Variants in KIAA1217 observed in about 807,000 individuals in gnomAD.
KIAA1217 encodes the protein KIAA1217, also known as sickle tail protein homolog.
KIAA1217 carries 88 observed loss-of-function variants against 163.9 expected under a neutral mutation model. The observed-to-expected ratio is 0.54, with a 90% CI of 0.45 to 0.64. The LOEUF (loss-of-function observed/expected upper bound fraction) is 0.64. Among genes scored for constraint, KIAA1217 ranks in the 30% least tolerant of loss-of-function variants. The probability of loss-of-function intolerance (pLI) is 0.00; values close to 1 mark genes in which losing one functional copy is unlikely to be tolerated. For missense variants in KIAA1217, 2,372 were observed against 2,475.0 expected (o/e 0.96, Z 0.88); for synonymous variants, 903 against 923.1 (o/e 0.98, Z 0.39).
intron 2 of KIAA1217, among the ~76,000 whole-genome samples, chr10:24,198,585 A>G (rs868359458): frequency 2.4e-3 from 348 of 147,630 alleles, no homozygotes; most frequent in Middle Eastern, 0.011. Flanking sequence ...CTTATCTCGA[A>G]AAAAAAAAAA....
chr10:23,752,014 G>A (rs1839764819), intron 1 of KIAA1217, among the ~76,000 whole-genome samples: 1 of 152,234 alleles, frequency 6.6e-6, no homozygotes, highest in South Asian at 2.1e-4. Flanking sequence ...GGCAGATGCT[G>A]TACCTCACAT....
At chr10:23,887,137 C>T (rs1269458421) in intron 1 of KIAA1217, among the ~76,000 whole-genome samples, 1 of 151,754 alleles carries the variant, frequency 6.6e-6, no homozygotes, top group Non-Finnish European at 1.5e-5. Flanking sequence ...TCATTTAGTT[C>T]CTCTGAAACT....
intron 1 of KIAA1217, among the ~76,000 whole-genome samples, chr10:23,999,470 T>C (rs562805118): frequency 2.0e-5 from 3 of 152,194 alleles, no homozygotes; most frequent in Non-Finnish European, 4.4e-5. Context: ...CTGCTACTTC[T>C]ACCCTTCGCG....
chr10:23,819,541 T>C (rs1837520564), intron 1 of KIAA1217, among the ~76,000 whole-genome samples: 1 of 152,144 alleles, frequency 6.6e-6, no homozygotes, highest in African/African-American at 2.4e-5. Flanking sequence ...TAATTCTCAT[T>C]AACTTGGAGA....
chr10:24,493,368 T>A (rs2066391362), intron 6 of KIAA1217, among the ~76,000 whole-genome samples: 1 of 152,224 alleles, frequency 6.6e-6, no homozygotes, highest in Non-Finnish European at 1.5e-5. Flanking sequence ...GCCCATGCCA[T>A]ATACATTGTT....
intron 1 of KIAA1217, among the ~76,000 whole-genome samples, chr10:23,726,276 G>A (rs1310927539): frequency 1.4e-5 from 2 of 146,752 alleles, no homozygotes; most frequent in South Asian, 2.2e-4. Flanking sequence ...TTTGTAAAAA[G>A]TAAGCCTAGT....
intron 2 of KIAA1217, among the ~76,000 whole-genome samples, chr10:24,143,411 C>T (rs1217541296): frequency 1.3e-5 from 2 of 152,094 alleles, no homozygotes; most frequent in Non-Finnish European, 2.9e-5. Flanking sequence ...GGATTACAGG[C>T]GTGTGCCACC....
intron 2 of KIAA1217, among the ~76,000 whole-genome samples, chr10:24,145,479 G>T (rs781201688): frequency 1.3e-5 from 2 of 152,216 alleles, no homozygotes; most frequent in African/African-American, 4.8e-5. Flanking sequence ...TTCAAGAAAG[G>T]CAAAGCCAGA....
intron 1 of KIAA1217, among the ~76,000 whole-genome samples, chr10:23,830,944 C>G (rs370568433): frequency 2.9e-4 from 44 of 150,508 alleles, no homozygotes; most frequent in African/African-American, 9.7e-4. Context: ...TCCAAATGCC[C>G]ACAGGTATTG....
chr10:23,704,738 G>A lies in KIAA1217; in HGVS notation c.-321+9504G>A, dbSNP rs115281713. ...GACATCTAGGTTGCTTCCAATGTTT[G>A]GCTATTATGAATAATGCTGCTATAA... On this transcript the variant is annotated intron_variant, in intron 1 of 18. Transcript: ENST00000376462. 2.8e-3 allele frequency among the ~76,000 whole-genome samples: 432 copies of A among 152,044 alleles called. 2 individuals carry two copies. The highest frequency in any genetic ancestry group is 9.7e-3 in the African/African-American group (402 of 41,484).
chr10:24,064,250 T>C (rs1007872577), intron 2 of KIAA1217, among the ~76,000 whole-genome samples: 7 of 152,212 alleles, frequency 4.6e-5, no homozygotes, highest in Non-Finnish European at 5.9e-5. Context: ...CTAGTTTTTC[T>C]CCATTCAGTA....
chr10:23,724,485 G>A (rs1026472092), intron 1 of KIAA1217, among the ~76,000 whole-genome samples: 2 of 151,820 alleles, frequency 1.3e-5, no homozygotes, highest in African/African-American at 4.8e-5. Flanking sequence ...ATCATGCATT[G>A]CCTTTTATCT....
chr10:24,099,352 A>G (rs1475661243), intron 2 of KIAA1217, among the ~76,000 whole-genome samples: 3 of 150,678 alleles, frequency 2.0e-5, no homozygotes, highest in Non-Finnish European at 4.4e-5. Context: ...ACCCCACGGC[A>G]GGTCCCAGTG....
chr10:24,062,191 G>T (rs1180184890), intron 2 of KIAA1217, among the ~76,000 whole-genome samples: 6 of 151,510 alleles, frequency 4.0e-5, no homozygotes, highest in African/African-American at 1.2e-4. Context: ...ACAAGGTGCA[G>T]GTTTGTTACA....
chr10:23,755,224 T>C (rs1241959473), intron 1 of KIAA1217, among the ~76,000 whole-genome samples: 2 of 152,154 alleles, frequency 1.3e-5, no homozygotes, highest in Non-Finnish European at 2.9e-5. Flanking sequence ...AACTTAGATC[T>C]TTGGAGCTTA....
At chr10:24,024,497 T>C (rs1161171670) in intron 2 of KIAA1217, among the ~76,000 whole-genome samples, 2 of 151,806 alleles carry the variant, frequency 1.3e-5, no homozygotes, top group South Asian at 4.1e-4. Context: ...TTGCTTTTGA[T>C]TTAAGGCTTT....
intron 1 of KIAA1217, among the ~76,000 whole-genome samples, chr10:23,987,692 A>G (rs970823732): frequency 6.6e-6 from 1 of 152,080 alleles, no homozygotes; most frequent in Non-Finnish European, 1.5e-5. Flanking sequence ...TAAGAATTCA[A>G]TATATTTTTA....
At chr10:24,151,097 A>C (rs941910778) in intron 2 of KIAA1217, among the ~76,000 whole-genome samples, 2 of 152,090 alleles carry the variant, frequency 1.3e-5, no homozygotes, top group Non-Finnish European at 2.9e-5. Context: ...TGAGCAGGGA[A>C]GGATAGTAGA....
chr10:23,757,609 C>T (rs908754292), intron 1 of KIAA1217, among the ~76,000 whole-genome samples: 1 of 152,120 alleles, frequency 6.6e-6, no homozygotes, highest in Non-Finnish European at 1.5e-5. Flanking sequence ...CCTCTGCCTC[C>T]CGGGTTCCCA....
Sources: gnomAD v4.1 joint callset for allele counts (sites outside exome capture counted in the v4.1 genomes callset) on GRCh38, gnomAD v4.1.1 for gene constraint, MANE v1.5 for transcripts, NCBI Gene and HGNC (gene_info 2026-07-23, HGNC 2026-07-21) for gene names.